The following ELMO1 variants were observed in gnomAD, a reference collection of about 807,000 sequenced individuals.
The protein encoded by ELMO1 is engulfment and cell motility protein 1.
ELMO1 carries 26 observed loss-of-function variants against 98.9 expected under a neutral mutation model. That is an observed-to-expected ratio of 0.26 (90% CI 0.19 to 0.36). ELMO1 has a LOEUF of 0.36. Ranked by LOEUF, ELMO1 falls within the 10% of genes least tolerant of loss-of-function variation. The pLI, the probability that ELMO1 is intolerant of heterozygous loss-of-function variation, is 1.00. For synonymous variants in ELMO1, 346 were observed against 346.0 expected (o/e 1.00, Z 0.00); for missense variants, 627 against 935.2 (o/e 0.67, Z 4.30).
chr7:37,025,762 T>C (rs1794530508), intron 15 of ELMO1, among the ~76,000 whole-genome samples: 2 of 151,930 alleles, frequency 1.3e-5, no homozygotes, highest in African/African-American at 4.8e-5. Context: ...TTCTCAGCCT[T>C]CATAACTACA....
intron 2 of ELMO1, among the ~76,000 whole-genome samples, chr7:37,337,730 T>C (rs1482376745): frequency 1.3e-5 from 2 of 152,126 alleles, no homozygotes; most frequent in East Asian, 1.9e-4. Flanking sequence ...AAGACAGAAG[T>C]GGTAGCTTTC....
chr7:36,955,225 C>T (rs546438840), intron 16 of ELMO1, among the ~76,000 whole-genome samples: 16 of 152,278 alleles, frequency 1.1e-4, no homozygotes, highest in African/African-American at 3.8e-4. Flanking sequence ...AATAAACCCT[C>T]CTCTCAGCTC....
At chr7:37,215,412 A>G (rs1584821215) in intron 11 of ELMO1, among the ~76,000 whole-genome samples, 1 of 152,106 alleles carries the variant, frequency 6.6e-6, no homozygotes. Context: ...GACCTTGTTG[A>G]CCCTGAAGAG....
rs556326528 is a variant in ELMO1 at position 37,149,058 on chromosome 7, C to T, written c.1087-15824G>A. ...TTTCCAGGCAGCCTCTGGTGAGGAA[C>T]GACCATCAGCATGGGAGGGGAAACC... On this transcript the variant is annotated intron_variant, in intron 13 of 21. Transcript: ENST00000310758. Among the ~76,000 whole-genome samples, 11 of 152,296 alleles carry T rather than the reference C, an allele frequency of 7.2e-5. No homozygotes were observed. The South Asian group carries it at 1.5e-3, about 20-fold the overall frequency.
intron 14 of ELMO1, among the ~76,000 whole-genome samples, chr7:37,099,210 T>C (rs1377182577): frequency 5.3e-5 from 8 of 152,254 alleles, no homozygotes. Context: ...CCTTCTTGAC[T>C]GATTTCTGTT....
intron 16 of ELMO1, among the ~76,000 whole-genome samples, chr7:36,934,027 C>G (rs1786284251): frequency 6.6e-6 from 1 of 152,122 alleles, no homozygotes; most frequent in African/African-American, 2.4e-5. Flanking sequence ...CCAGCAGGAT[C>G]CCAGCAGCTT....
At chr7:37,195,244 A>T (rs1039016020) in intron 13 of ELMO1, among the ~76,000 whole-genome samples, 5 of 152,220 alleles carry the variant, frequency 3.3e-5, no homozygotes, top group Non-Finnish European at 5.9e-5. Context: ...TTCACTCAAC[A>T]ATCAATTCCA....
At position 37,326,950 on chromosome 7, in the gene ELMO1, T is replaced by C. The variant is rs76954034; in HGVS notation, c.79-10990A>G. Among the ~76,000 whole-genome samples, 1,119 of 152,368 alleles carry C rather than the reference T, an allele frequency of 7.3e-3. 16 individuals are homozygous for C. The highest frequency in any genetic ancestry group is 0.026 in the African/African-American group (1,079 of 41,592). On this transcript the variant is annotated intron_variant, in intron 2 of 21. Transcript: ENST00000310758. ...AATAAAGGACTACTTAGATCAATTA[T>C]AATCTTTTGTGATTCTCCTAGTTCC...
chr7:36,920,711 TTTTCTACTGCTGA>T (rs1284517344), intron 16 of ELMO1, among the ~76,000 whole-genome samples: 32 of 152,146 alleles, frequency 2.1e-4, no homozygotes, highest in African/African-American at 5.6e-4. Flanking sequence ...TTCCATGTTG[TTTTCTACTGCTGA>T]TTTCATTTTC....
At chr7:37,444,870 C>T (rs937538437) in intron 1 of ELMO1, among the ~76,000 whole-genome samples, 1 of 152,194 alleles carries the variant, frequency 6.6e-6, no homozygotes, top group Non-Finnish European at 1.5e-5. Context: ...TCTGGTTCAA[C>T]ATTTGGAAAT....
chr7:36,985,546 C>T (rs867878844), intron 16 of ELMO1, among the ~76,000 whole-genome samples: 1 of 152,164 alleles, frequency 6.6e-6, no homozygotes, highest in Admixed American at 6.5e-5. Context: ...CGGCTCCGGG[C>T]TCCGTGCCTG....
intron 15 of ELMO1, among the ~76,000 whole-genome samples, chr7:37,037,512 A>C (rs769318485): frequency 3.9e-5 from 6 of 152,224 alleles, no homozygotes; most frequent in Non-Finnish European, 2.9e-5. Context: ...CTTAGGAAGC[A>C]GTGCCAGGAA....
intron 13 of ELMO1, among the ~76,000 whole-genome samples, chr7:37,161,900 A>ATATATATATAT (rs1789227323): frequency 1.0e-5 from 1 of 95,480 alleles, no homozygotes. Context: ...GCCTTCAGGT[A>ATATATATATAT]ATCAAATATA....
rs1208112894 is a variant in ELMO1, at chr7:36,855,713, C to T, written c.2022G>A (p.Gly674=). The T allele has an allele frequency of 6.2e-7, 1 of 1,614,086 alleles. No individual in the cohort carries two copies. Among genetic ancestry groups the T allele is most frequent in the Non-Finnish European group, 8.5e-7 (1 of 1,179,988 alleles). ...IWTDGLNALL[G]KDMMSDLTRN... ...GCGTCAGGTCGCTCATCATGTCCTT[C>T]CCGAGTAGCGCATTCAGTCCATCCG... Residue 674 remains glycine, a synonymous_variant, in exon 22 of 22, where the codon GGG becomes GGA. Transcript: ENST00000310758. This position sits in a 1 kb window ranked among gnomAD's most constrained non-coding sequence, Gnocchi z 4.2.
At chr7:37,077,730 G>A (rs946970148) in intron 15 of ELMO1, among the ~76,000 whole-genome samples, 3 of 152,140 alleles carry the variant, frequency 2.0e-5, no homozygotes, top group East Asian at 1.9e-4. Context: ...CGCCAACAAC[G>A]GGGTAAATGG....
chr7:37,027,911 T>C (rs1794670966), intron 15 of ELMO1, among the ~76,000 whole-genome samples: 1 of 152,072 alleles, frequency 6.6e-6, no homozygotes, highest in East Asian at 1.9e-4. Context: ...GCTGGAAAAC[T>C]TGAAAAGGAC....
At chr7:37,074,918 G>T (rs1797482727) in intron 15 of ELMO1, among the ~76,000 whole-genome samples, 1 of 152,132 alleles carries the variant, frequency 6.6e-6, no homozygotes, top group African/African-American at 2.4e-5. Context: ...AGCAGTAAGG[G>T]TTTTTCCACA....
intron 15 of ELMO1, among the ~76,000 whole-genome samples, chr7:37,059,058 G>A (rs565465970): frequency 6.6e-6 from 1 of 152,294 alleles, no homozygotes; most frequent in South Asian, 2.1e-4. Flanking sequence ...TCTCCCTGTG[G>A]TTAGAGTCTC....
intron 1 of ELMO1, among the ~76,000 whole-genome samples, chr7:37,368,515 C>G (rs1273071150): frequency 6.6e-6 from 1 of 152,146 alleles, no homozygotes; most frequent in Non-Finnish European, 1.5e-5. Flanking sequence ...TTCCACCTCC[C>G]TGTCTCTGAT....
Sources: gnomAD v4.1 joint callset for allele counts (sites outside exome capture counted in the v4.1 genomes callset) on GRCh38, gnomAD v4.1.1 for gene constraint, Gnocchi (gnomAD v3.1) non-coding constraint, MANE v1.5 for transcripts, NCBI Gene and HGNC (gene_info 2026-07-23, HGNC 2026-07-21) for gene names.